Variants in AUTS2 observed in about 807,000 individuals in gnomAD.
AUTS2 encodes the protein activator of transcription and developmental regulator AUTS2, also known as autism susceptibility gene 2 protein.
AUTS2 carries 17 observed loss-of-function variants against 112.4 expected under a neutral mutation model. That is an observed-to-expected ratio of 0.15 (90% CI 0.10 to 0.23). The LOEUF (loss-of-function observed/expected upper bound fraction) is 0.23, where lower values mean the gene tolerates loss of function less well. Among genes scored for constraint, AUTS2 ranks in the 10% least tolerant of loss-of-function variants. The probability of loss-of-function intolerance (pLI) is 1.00; values close to 1 mark genes in which losing one functional copy is unlikely to be tolerated. For synonymous variants in AUTS2, 751 were observed against 702.7 expected (o/e 1.07, Z -1.09); for missense variants, 1,510 against 1,701.6 (o/e 0.89, Z 1.98).
intron 6 of AUTS2, among the ~76,000 whole-genome samples, chr7:70,726,501 T>G (rs2129552048): frequency 6.6e-6 from 1 of 152,352 alleles, no homozygotes; most frequent in South Asian, 2.1e-4. Context: ...ATGTTGGCCC[T>G]CTTAAAGTTC....
intron 2 of AUTS2, among the ~76,000 whole-genome samples, chr7:70,082,318 A>C (rs191618796): frequency 5.4e-4 from 83 of 152,298 alleles, no homozygotes; most frequent in Non-Finnish European, 3.4e-4. Flanking sequence ...TCATCTTAAA[A>C]ACTTTTTCGA....
rs114040128 is a variant in AUTS2, at chr7:70,395,728, A to G, written c.661-40024A>G. 3.8e-3 allele frequency among the ~76,000 whole-genome samples: 578 copies of G among 152,288 alleles called. 4 individuals are homozygous for G. Among genetic ancestry groups the G allele is most frequent in the African/African-American group, 0.013 (544 of 41,570 alleles). On this transcript the variant is annotated intron_variant, in intron 4 of 18. Transcript: ENST00000342771. ...GTGCTTAGTGACTTTGAAGATAAAC[A>G]TGGATTACAGGTTCAAGGAGCCTAC...
chr7:69,601,435 T>C (rs539716253), intron 1 of AUTS2, among the ~76,000 whole-genome samples: 140 of 152,300 alleles, frequency 9.2e-4, no homozygotes, highest in African/African-American at 3.2e-3. Context: ...CAGCTTTAAA[T>C]ATTTTTTTCA....
At position 70,230,332 on chromosome 7, in the gene AUTS2, G is replaced by A. The variant is rs545702382; in HGVS notation, c.660+95761G>A. ...CTGTGCAGCATGTTTCCCTCATAAT[G>A]TGTGGCTGCTGTTGTCTCTACTCCA... On this transcript the variant is annotated intron_variant, in intron 4 of 18. Coordinates refer to ENST00000342771, the MANE Select transcript of AUTS2 (RefSeq NM_015570.4). Among the ~76,000 whole-genome samples the A allele has an allele frequency of 6.7e-4, 102 of 152,116 alleles. 1 individual carries two copies. Among genetic ancestry groups the A allele is most frequent in the African/African-American group, 2.3e-3 (97 of 41,512 alleles).
intron 4 of AUTS2, among the ~76,000 whole-genome samples, chr7:70,365,885 A>G (rs1406466672): frequency 1.3e-5 from 2 of 152,232 alleles, no homozygotes; most frequent in Non-Finnish European, 2.9e-5. Context: ...AGTTACTAAC[A>G]TTCATCCTTT....
chr7:69,789,905 A>G (rs1336031493), intron 1 of AUTS2, among the ~76,000 whole-genome samples: 1 of 152,140 alleles, frequency 6.6e-6, no homozygotes, highest in Non-Finnish European at 1.5e-5. Context: ...AGCTGAAATG[A>G]TGACAGTGAG....
At chr7:70,671,718 G>A (rs575187855) in intron 5 of AUTS2, among the ~76,000 whole-genome samples, 12 of 152,304 alleles carry the variant, frequency 7.9e-5, no homozygotes, top group Admixed American at 3.9e-4. Flanking sequence ...GTCCAAGACC[G>A]TACAGTGTCA....
chr7:69,880,389 C>G (rs1459232536), intron 1 of AUTS2, among the ~76,000 whole-genome samples: 2 of 152,152 alleles, frequency 1.3e-5, no homozygotes, highest in Non-Finnish European at 2.9e-5. Flanking sequence ...TTAATAGTAC[C>G]TGCATACAGA....
At chr7:70,114,502 A>G (rs922594186) in intron 2 of AUTS2, among the ~76,000 whole-genome samples, 2 of 152,156 alleles carry the variant, frequency 1.3e-5, no homozygotes, top group Non-Finnish European at 2.9e-5. Context: ...CTAGTTTGAA[A>G]CTATATTCAG....
At chr7:70,168,541 C>A (rs1808503043) in intron 4 of AUTS2, among the ~76,000 whole-genome samples, 2 of 152,102 alleles carry the variant, frequency 1.3e-5, no homozygotes, top group Admixed American at 1.3e-4. Context: ...GTCTTGTACT[C>A]CTGAACCTGA....
At chr7:70,373,925 G>A (rs1411297716) in intron 4 of AUTS2, among the ~76,000 whole-genome samples, 2 of 151,586 alleles carry the variant, frequency 1.3e-5, no homozygotes, top group Non-Finnish European at 2.9e-5. Flanking sequence ...TACATCACAA[G>A]CATATTCCCA....
chr7:70,186,450 T>G (rs925719798), intron 4 of AUTS2, among the ~76,000 whole-genome samples: 1 of 152,192 alleles, frequency 6.6e-6, no homozygotes, highest in Non-Finnish European at 1.5e-5. Flanking sequence ...TTTTTGGCTT[T>G]TTTTAATGTT....
intron 4 of AUTS2, among the ~76,000 whole-genome samples, chr7:70,357,197 G>A (rs893424163): frequency 7.9e-5 from 12 of 152,144 alleles, no homozygotes; most frequent in South Asian, 2.1e-4. Flanking sequence ...GGAACAAACC[G>A]CGCAGGGGAA....
At chr7:69,985,241 A>AAG (rs1238022197) in intron 2 of AUTS2, among the ~76,000 whole-genome samples, 2 of 151,364 alleles carry the variant, frequency 1.3e-5, no homozygotes, top group African/African-American at 4.9e-5. Flanking sequence ...AAAAAAAAAA[A>AAG]AAAAAAGAAA....
At chr7:70,746,846 A>T (rs958477732) in intron 6 of AUTS2, among the ~76,000 whole-genome samples, 3 of 152,226 alleles carry the variant, frequency 2.0e-5, no homozygotes, top group African/African-American at 7.2e-5. Flanking sequence ...GATTATTGTC[A>T]GCATGATCGA....
chr7:69,811,951 A>C (rs895185478), intron 1 of AUTS2, among the ~76,000 whole-genome samples: 6 of 152,190 alleles, frequency 3.9e-5, no homozygotes, highest in Non-Finnish European at 7.3e-5. Flanking sequence ...TCAATGCATG[A>C]ATGAAATTGC....
intron 2 of AUTS2, among the ~76,000 whole-genome samples, chr7:70,100,880 T>C (rs1804451124): frequency 6.6e-6 from 1 of 152,066 alleles, no homozygotes; most frequent in African/African-American, 2.4e-5. Context: ...ACATTTGTTT[T>C]TGTTTTTGTT....
chr7:70,761,592 G>T (rs1188953166), intron 6 of AUTS2, among the ~76,000 whole-genome samples: 2 of 152,058 alleles, frequency 1.3e-5, no homozygotes, highest in African/African-American at 4.8e-5. Context: ...CTCCCAAATG[G>T]GGCCATTCTT....
At chr7:70,503,094 A>G (rs1162824867) in intron 5 of AUTS2, among the ~76,000 whole-genome samples, 2 of 152,068 alleles carry the variant, frequency 1.3e-5, no homozygotes, top group African/African-American at 2.4e-5. Flanking sequence ...GAACCAGGGG[A>G]AACGAGGTAG....
Sources: gnomAD v4.1 joint callset for allele counts (sites outside exome capture counted in the v4.1 genomes callset) on GRCh38, gnomAD v4.1.1 for gene constraint, MANE v1.5 for transcripts, NCBI Gene and HGNC (gene_info 2026-07-23, HGNC 2026-07-21) for gene names.